The following C11orf65 variants were observed in gnomAD, a reference collection of about 807,000 sequenced individuals.
The protein encoded by C11orf65 is protein MFI.
Under a neutral mutation model 35.3 loss-of-function variants are expected in C11orf65, and 38 were observed. The observed-to-expected ratio is 1.08, with a 90% confidence interval of 0.83 to 1.41. C11orf65 has a LOEUF of 1.41. C11orf65 is among the 40% of genes most tolerant of loss of function. The pLI is 0.00. For synonymous variants in C11orf65, 105 were observed against 114.4 expected, an observed-to-expected ratio of 0.92 and a Z score of 0.53; for missense variants, 370 against 367.1, an observed-to-expected ratio of 1.01 and a Z score of -0.06.
downstream of C11orf65, chr11:108,330,181 C>G (rs1565529129): frequency 3.8e-6 from 6 of 1,597,562 alleles, no homozygotes; most frequent in East Asian, 2.3e-5. Context: ...AAGTTCATGG[C>G]TTTTGTGTTT....
downstream of C11orf65, chr11:108,331,314 A>G: frequency 1.4e-6 from 2 of 1,451,916 alleles, no homozygotes; most frequent in Non-Finnish European, 1.8e-6. Context: ...GGAAAACAAT[A>G]TAGTTAGTGA....
chr11:108,458,235 G>C (rs2093430245), intron 2 of C11orf65, among the ~76,000 whole-genome samples: 1 of 151,200 alleles, frequency 6.6e-6, no homozygotes, highest in Non-Finnish European at 1.5e-5. Context: ...CCTTGGGTGT[G>C]GTGGCACGTG....
intron 3 of C11orf65, among the ~76,000 whole-genome samples, chr11:108,428,606 A>T (rs1215802460): frequency 6.6e-6 from 1 of 152,200 alleles, no homozygotes; most frequent in Non-Finnish European, 1.5e-5. Context: ...GTGGGAGTTG[A>T]ACAATGAGAA....
chr11:108,360,219 A>T (rs1339293282), intron 2 of C11orf65, among the ~76,000 whole-genome samples: 3 of 150,642 alleles, frequency 2.0e-5, no homozygotes, highest in Admixed American at 1.3e-4. Context: ...ATTCCTCGAC[A>T]CATACACTCT....
At chr11:108,391,267 C>T (rs1591446252) in intron 7 of C11orf65, among the ~76,000 whole-genome samples, 2 of 152,316 alleles carry the variant, frequency 1.3e-5, no homozygotes, top group East Asian at 3.9e-4. Context: ...ACATTTTAAG[C>T]AGCTTTATTG....
downstream of C11orf65, among the ~76,000 whole-genome samples, chr11:108,377,873 C>T (rs1434878534): frequency 6.6e-6 from 1 of 151,978 alleles, no homozygotes; most frequent in Non-Finnish European, 1.5e-5. Flanking sequence ...AGTGAACTCC[C>T]ATTCACAATT....
At chr11:108,351,085 GAAT>G (rs1481667005) in intron 2 of C11orf65, among the ~76,000 whole-genome samples, 3 of 152,150 alleles carry the variant, frequency 2.0e-5, no homozygotes, top group South Asian at 4.1e-4. Flanking sequence ...GAGATTGAAT[GAAT>G]AATAACACAC....
chr11:108,425,522 A>C (rs2092887930), intron 3 of C11orf65, among the ~76,000 whole-genome samples: 1 of 152,222 alleles, frequency 6.6e-6, no homozygotes, highest in Non-Finnish European at 1.5e-5. Context: ...ACCAACCAAA[A>C]AAATCCCAGG....
rs2087819658 is a variant in C11orf65 at position 108,343,270 on chromosome 11, A to G, written c.227-7978T>C. 1.2e-6 allele frequency: 2 copies of G among 1,613,900 alleles called. No individual in the cohort carries two copies. Among genetic ancestry groups the G allele is most frequent in the East Asian group, 2.2e-5 (1 of 44,888 alleles). On this transcript the variant is annotated intron_variant, in intron 2 of 3. Coordinates refer to the C11orf65 transcript ENST00000524755. Reference sequence around the variant, plus strand: ...TGGTGTTCTTGAATGGTGCACAGGAACTGTCCCCATTGGTGAATTTCTTGT... The same window carrying G: ...TGGTGTTCTTGAATGGTGCACAGGAGCTGTCCCCATTGGTGAATTTCTTGT...
chr11:108,414,392 A>C (rs967800056), intron 3 of C11orf65, among the ~76,000 whole-genome samples: 4 of 152,052 alleles, frequency 2.6e-5, no homozygotes, highest in Non-Finnish European at 4.4e-5. Flanking sequence ...TACTGATTGC[A>C]TGGACACTAA....
In C11orf65 at chr11:108,427,760, G is replaced by A. The variant is rs533692097; in HGVS notation, c.174+3986C>T. 5.3e-4 allele frequency among the ~76,000 whole-genome samples: 75 copies of A among 140,490 alleles called. 1 individual carries two copies. The highest frequency in any genetic ancestry group is 1.8e-3 in the African/African-American group (70 of 37,994). The allele number at this position is 140,490 out of a possible 152,430, so 92.2% of individuals were successfully genotyped here. A position where few individuals can be genotyped will look rare whatever the true frequency, so the allele number is the denominator to read the frequency against. On this transcript the variant is annotated intron_variant, in intron 3 of 8. Coordinates refer to ENST00000393084, the MANE Select transcript of C11orf65 (RefSeq NM_152587.5). ...AAAAAAAAAAAGCTCATCATTACTG[G>A]TCATTAGAGAAATGCAAATCAAAAC...
chr11:108,331,794 A>G, intron 3 of C11orf65: 4 of 1,489,180 alleles, frequency 2.7e-6, no homozygotes, highest in Non-Finnish European at 2.8e-6. Context: ...AGACAGTAAT[A>G]CACATTTTAA....
At position 108,376,810 on chromosome 11, in the gene C11orf65, C is replaced by T. The variant is rs1000403237; in HGVS notation, c.226+16398G>A. ...TGATAAAGGGGATATCACCACCGAT[C>T]CCACAGAAATACAAACTACCATCAG... On this transcript the variant is annotated intron_variant, in intron 2 of 3. Transcript: ENST00000524755. 2.7e-3 allele frequency among the ~76,000 whole-genome samples: 411 copies of T among 151,578 alleles called. 12 individuals are homozygous for T. Among genetic ancestry groups the T allele is most frequent in the Non-Finnish European group, 5.3e-4 (36 of 67,638 alleles).
intron 2 of C11orf65, chr11:108,367,240 G>A (rs2091378242): frequency 5.6e-6 from 1 of 179,102 alleles, no homozygotes; most frequent in East Asian, 9.3e-5. Context: ...ACCCTCCTCG[G>A]CCTCCCAAAG....
intron 2 of C11orf65, among the ~76,000 whole-genome samples, chr11:108,361,915 A>C (rs2090812202): frequency 6.8e-6 from 1 of 148,012 alleles, no homozygotes. Context: ...AAAACACCAA[A>C]AGCAATGGCA....
chr11:108,463,674 C>T (rs1565734558), intron 1 of C11orf65, among the ~76,000 whole-genome samples: 2 of 152,138 alleles, frequency 1.3e-5, no homozygotes, highest in African/African-American at 4.8e-5. Context: ...GTACCTAACT[C>T]ATAGAATTGT....
At chr11:108,313,400 T>G (rs1236322355) in intron 6 of C11orf65, among the ~76,000 whole-genome samples, 1 of 152,218 alleles carries the variant, frequency 6.6e-6, no homozygotes, top group Non-Finnish European at 1.5e-5. Context: ...TGTCCATATT[T>G]GCTGTCTGCA....
intron 2 of C11orf65, among the ~76,000 whole-genome samples, chr11:108,439,127 T>G (rs901368723): frequency 6.6e-6 from 1 of 152,132 alleles, no homozygotes; most frequent in Non-Finnish European, 1.5e-5. Context: ...AACTGCTACA[T>G]CTCAACAACA....
At chr11:108,331,663 A>C in intron 3 of C11orf65, 1 of 1,408,796 alleles carries the variant, frequency 7.1e-7, no homozygotes. Flanking sequence ...GAAATACAAA[A>C]TTTTGTATTT....
Sources: allele counts gnomAD v4.1 joint callset (sites outside exome capture counted in the v4.1 genomes callset), GRCh38; gene constraint gnomAD v4.1.1; transcripts MANE v1.5; gene names NCBI Gene and HGNC (gene_info 2026-07-23, HGNC 2026-07-21).